ST6GALNAC6: variants seen among roughly 807,000 people sequenced by gnomAD.
The protein encoded by ST6GALNAC6 is alpha-N-acetylgalactosaminide alpha-2,6-sialyltransferase 6.
A neutral mutation model predicts 34.3 loss-of-function variants in ST6GALNAC6; 19 were observed. The ratio of observed to expected loss-of-function variants is 0.55; its 90% CI spans 0.39 to 0.81. The LOEUF is 0.81. ST6GALNAC6 is among the 40% of genes least tolerant of loss of function. ST6GALNAC6 has a pLI of 0.00. For missense variants in ST6GALNAC6, 377 were observed against 467.7 expected, an observed-to-expected ratio of 0.81 and a Z score of 1.79; for synonymous variants, 185 against 182.1, an observed-to-expected ratio of 1.02 and a Z score of -0.13.
chr9:127,905,127 C>G (rs1484414040), intron 1 of ST6GALNAC6: 11 of 812,360 alleles, frequency 1.4e-5, no homozygotes, highest in African/African-American at 1.9e-5. Flanking sequence ...AGGGTATGAA[C>G]AGGAAAACAG....
chr9:127,894,904 G>T (rs1009541838), intron 3 of ST6GALNAC6, among the ~76,000 whole-genome samples: 3 of 152,180 alleles, frequency 2.0e-5, no homozygotes, highest in African/African-American at 7.2e-5. Context: ...CAATTAGACC[G>T]TGAGCTCTGG....
At position 127,886,314 on chromosome 9, in the gene ST6GALNAC6, G is replaced by A. The variant is rs901608184; in HGVS notation, c.*285C>T. The A allele has an allele frequency of 6.8e-5, 55 of 805,254 alleles. No homozygotes were observed. The highest frequency in any genetic ancestry group is 8.2e-5 in the Non-Finnish European group (45 of 551,238). 49.9% of individuals were successfully genotyped at this position (805,254 alleles called of 1,614,324 possible). On this transcript the variant is annotated 3_prime_UTR_variant, in exon 7 of 7. Transcript: ENST00000373146. ...CCTCATGGGAAAGGACATGTCCTTAGCCTCAGATTGACTCAGAAATACCCC... is the reference window on the plus strand; with the variant it reads ...CCTCATGGGAAAGGACATGTCCTTAACCTCAGATTGACTCAGAAATACCCC...
chr9:127,887,246 T>C (rs969009571), intron 6 of ST6GALNAC6, among the ~76,000 whole-genome samples: 1 of 152,136 alleles, frequency 6.6e-6, no homozygotes, highest in South Asian at 2.1e-4. Flanking sequence ...TGTCCCCTAG[T>C]GGGCTTTTCA....
At chr9:127,899,615 G>C, upstream of ST6GALNAC6, 1 of 982,404 alleles carries the variant, frequency 1.0e-6, no homozygotes, top group Non-Finnish European at 1.2e-6. Context: ...CCGCACCCGC[G>C]GCCCGCCGGG....
chr9:127,890,816 G>A lies in ST6GALNAC6; in HGVS notation c.525C>T (p.Thr175=). The A allele has an allele frequency of 6.2e-7, 1 of 1,613,828 alleles. No homozygotes were observed. Among genetic ancestry groups the A allele is most frequent in the Non-Finnish European group, 8.5e-7 (1 of 1,179,720 alleles). The change falls in exon 5 of 7, where the codon ACC becomes ACT. Residue 175 remains threonine, a synonymous_variant. Transcript: ENST00000373146. This position sits in a 1 kb window ranked among gnomAD's most constrained non-coding sequence, Gnocchi z 4.3. Reference sequence around the variant, plus strand: ...CCCAGAAGATGAACACGGTTTCAGGGGTCCGGTTGACAAACTCCTGGGGCC... The same window carrying A: ...CCCAGAAGATGAACACGGTTTCAGGAGTCCGGTTGACAAACTCCTGGGGCC... The part of the protein sequence containing the change: ...LRRPQEFVNR[T]PETVFIFWGP...
Position 127,897,960 on chromosome 9 carries a change from T to TG in ST6GALNAC6, c.21dup (p.Ser8GlnfsTer4), listed in dbSNP as rs780174261. Reference sequence around the variant, plus strand: ...AATCCCGGTTTCACCACTTACTGGCTGGGGGGCCTCGAGCAAGCCATGTGA... The same window carrying TG: ...AATCCCGGTTTCACCACTTACTGGCTGGGGGGGCCTCGAGCAAGCCATGTGA... On this transcript the variant is annotated frameshift_variant, in exon 2 of 7. Transcript: ENST00000373146. LOFTEE classifies it high-confidence loss of function. 3.9e-4 allele frequency: 629 copies of TG among 1,608,992 alleles called. 13 individuals carry two copies. In the Middle Eastern group the frequency reaches 0.013, roughly 33 times the overall value.
At chr9:127,900,991 CAAAAAAAAAAAAAA>C (rs56673204), upstream of ST6GALNAC6, among the ~76,000 whole-genome samples, 5 of 60,986 alleles carry the variant, frequency 8.2e-5, no homozygotes, top group East Asian at 1.8e-3. Flanking sequence ...AACTCCCTAT[CAAAAAAAAAAAAAA>C]AAAAAAAAAA....
intron 2 of ST6GALNAC6, chr9:127,897,301 G>C: frequency 3.0e-6 from 3 of 985,834 alleles, no homozygotes; most frequent in Non-Finnish European, 3.6e-6. Flanking sequence ...GGGGCTTAGG[G>C]GGCCCTCCTC....
upstream of ST6GALNAC6, chr9:127,905,469 G>A (rs1443998722): frequency 4.1e-6 from 4 of 983,026 alleles, no homozygotes; most frequent in East Asian, 1.1e-4. Context: ...CCAAGGGCTG[G>A]GTCAGCCTTT....
At position 127,890,163 on chromosome 9, in the gene ST6GALNAC6, T is replaced by C. The variant is rs1643072477; in HGVS notation, c.704+474A>G. Among the ~76,000 whole-genome samples the C allele has an allele frequency of 6.6e-6, 1 of 152,234 alleles. No homozygotes were observed. Among genetic ancestry groups the C allele is most frequent in the Non-Finnish European group, 1.5e-5 (1 of 68,042 alleles). ...CATATGTGGCTCACATAGATTTCTATTGGGCAGCACTGGCCTAGCTTTCCT... is the reference window on the plus strand; with the variant it reads ...CATATGTGGCTCACATAGATTTCTACTGGGCAGCACTGGCCTAGCTTTCCT... On this transcript the variant is annotated intron_variant, in intron 5 of 6. Coordinates refer to ENST00000373146, the MANE Select transcript of ST6GALNAC6 (RefSeq NM_013443.5). This position sits in a 1 kb window ranked among gnomAD's most constrained non-coding sequence, Gnocchi z 4.3.
chr9:127,894,052 G>T (rs771447543), intron 4 of ST6GALNAC6, among the ~76,000 whole-genome samples: 16 of 152,152 alleles, frequency 1.1e-4, no homozygotes, highest in Non-Finnish European at 1.2e-4. Context: ...ACCTCTCGGA[G>T]CCTTGGTTAC....
At chr9:127,905,303 C>T (rs73606483) in exon 1 of ST6GALNAC6, 20,673 of 985,518 alleles carry the variant, frequency 0.021, 1,438 homozygotes, top group African/African-American at 0.21. Flanking sequence ...GCCACCAGAC[C>T]TGTCAAGGAT....
rs143545944 is a variant in ST6GALNAC6 at position 127,898,989 on chromosome 9, G to C, written c.-30+514C>G. 2.9e-4 allele frequency among the ~76,000 whole-genome samples: 44 copies of C among 152,336 alleles called. 1 individual carries two copies. Among genetic ancestry groups the C allele is most frequent in the Admixed American group, 7.8e-4 (12 of 15,306 alleles). On this transcript the variant is annotated intron_variant, in intron 1 of 6. Transcript: ENST00000373146. ...GCGAGCTGAGCGGGAGCCGAGGGTG[G>C]GGGCCACACCCTGCCCTCTGTTTGG...
intron 4 of ST6GALNAC6, among the ~76,000 whole-genome samples, chr9:127,894,204 G>C (rs1450325230): frequency 1.3e-5 from 2 of 152,202 alleles, no homozygotes; most frequent in African/African-American, 4.8e-5. Context: ...AAATGTCCCA[G>C]TGCTCTGCTC....
intron 3 of ST6GALNAC6, among the ~76,000 whole-genome samples, chr9:127,895,646 AT>A (rs963090009): frequency 2.6e-5 from 4 of 152,142 alleles, no homozygotes; most frequent in Non-Finnish European, 5.9e-5. Flanking sequence ...ATAGTCAATA[AT>A]TTTTTGCATT....
chr9:127,906,128 C>G, upstream of ST6GALNAC6: 2 of 688,690 alleles, frequency 2.9e-6, no homozygotes, highest in Non-Finnish European at 3.6e-6. Flanking sequence ...TCTCAGCCCC[C>G]TCTGTGAAAG....
intron 2 of ST6GALNAC6, chr9:127,897,416 C>T (rs1403170172): frequency 1.0e-6 from 1 of 986,444 alleles, no homozygotes; most frequent in African/African-American, 1.7e-5. Context: ...GCCAGAGAAC[C>T]TCGGGCCAGA....
At chr9:127,901,428 A>G (rs1178542021), upstream of ST6GALNAC6, among the ~76,000 whole-genome samples, 1 of 151,722 alleles carries the variant, frequency 6.6e-6, no homozygotes, top group African/African-American at 2.4e-5. Flanking sequence ...CGTCTCTACT[A>G]AAAATACAAA....
At position 127,885,873 on chromosome 9, in the gene ST6GALNAC6, C is replaced by G. The variant is rs956985438; in HGVS notation, c.*726G>C. 6.6e-6 allele frequency: 1 copy of G among 152,228 alleles called. No homozygotes were observed. The highest frequency in any genetic ancestry group is 1.5e-5 in the Non-Finnish European group (1 of 68,084). 9.4% of individuals were successfully genotyped at this position (152,228 alleles called of 1,614,324 possible). ...AGGTGGGGAGGTCACCCCAGACCCC[C>G]CAAAGAGCTGAGCCTTCCAGCAAGG... On this transcript the variant is annotated 3_prime_UTR_variant, in exon 7 of 7. Transcript: ENST00000373146.
Sources: gnomAD v4.1 joint callset for allele counts (sites outside exome capture counted in the v4.1 genomes callset) on GRCh38, gnomAD v4.1.1 for gene constraint, Gnocchi (gnomAD v3.1) non-coding constraint, MANE v1.5 for transcripts, NCBI Gene and HGNC (gene_info 2026-07-23, HGNC 2026-07-21) for gene names.